CUX1: variants seen among roughly 807,000 people sequenced by gnomAD.
CUX1 encodes protein CASP.
In CUX1, 31 loss-of-function variants were observed where a neutral mutation model predicts 158.8. That is an observed-to-expected ratio of 0.20 (90% CI 0.15 to 0.26). CUX1 has a LOEUF of 0.26. Ranked by LOEUF, CUX1 falls within the 10% of genes least tolerant of loss-of-function variation. The pLI is 1.00. For missense variants in CUX1, 1,589 were observed against 2,014.6 expected (o/e 0.79, Z 4.04); for synonymous variants, 879 against 862.1 (o/e 1.02, Z -0.34).
intron 4 of CUX1, among the ~76,000 whole-genome samples, chr7:102,093,158 T>A (rs1213075256): frequency 4.1e-5 from 1 of 24,600 alleles, no homozygotes; most frequent in Non-Finnish European, 9.1e-5. Flanking sequence ...AAACAGAAGC[T>A]TTTTTTTTTT....
intron 1 of CUX1, among the ~76,000 whole-genome samples, chr7:101,911,063 G>T (rs932338173): frequency 6.6e-6 from 1 of 152,248 alleles, no homozygotes; most frequent in South Asian, 2.1e-4. Context: ...CAGCGTCACG[G>T]GATGAGGGAT....
rs552475431 is a variant in CUX1, at chr7:102,251,620, T to A, written c.*2578T>A. On this transcript the variant is annotated 3_prime_UTR_variant, in exon 24 of 24. Transcript: ENST00000292535. ...GAGCTTAAGGGGACACGGGTCAACA[T>A]CTAGCTCGATTCAGGTGCATTGAGA... is the stretch of plus-strand genomic sequence containing the variant. 1.0e-6 allele frequency: 1 copy of A among 985,386 alleles called. No individual in the cohort carries two copies. Among genetic ancestry groups the A allele is most frequent in the Non-Finnish European group, 1.2e-6 (1 of 829,904 alleles). The allele number at this position is 985,386 out of a possible 1,614,324, so 61.0% of individuals were successfully genotyped here.
intron 2 of CUX1, among the ~76,000 whole-genome samples, chr7:102,023,312 G>A (rs1016981136): frequency 2.6e-5 from 4 of 152,146 alleles, no homozygotes; most frequent in African/African-American, 9.7e-5. Context: ...TCCAGTTTAT[G>A]ACCACAAAGA....
At chr7:101,942,285 T>C (rs1045450377) in intron 2 of CUX1, among the ~76,000 whole-genome samples, 1 of 152,138 alleles carries the variant, frequency 6.6e-6, no homozygotes, top group African/African-American at 2.4e-5. Context: ...ACACATTGGG[T>C]CATAGGTTTG....
chr7:101,895,204 A>G (rs1385310437), intron 1 of CUX1, among the ~76,000 whole-genome samples: 1 of 152,104 alleles, frequency 6.6e-6, no homozygotes, highest in African/African-American at 2.4e-5. Flanking sequence ...TATTTTTAGT[A>G]GAGACGGGGT....
chr7:101,955,299 G>A (rs915290356), intron 2 of CUX1, among the ~76,000 whole-genome samples: 2 of 152,176 alleles, frequency 1.3e-5, no homozygotes, highest in Non-Finnish European at 2.9e-5. Flanking sequence ...CAAGAAAAAG[G>A]CATTTCTTGC....
intron 15 of CUX1, among the ~76,000 whole-genome samples, chr7:102,197,946 TCA>T (rs1291219936): frequency 6.6e-6 from 1 of 152,120 alleles, no homozygotes; most frequent in African/African-American, 2.4e-5. Context: ...AAAATGTCAG[TCA>T]CATTCATAAT....
chr7:102,143,996 G>A (rs1291634227), intron 8 of CUX1, among the ~76,000 whole-genome samples: 1 of 151,872 alleles, frequency 6.6e-6, no homozygotes, highest in Non-Finnish European at 1.5e-5. Flanking sequence ...TGGCCAGGCT[G>A]GTCTCGAACT....
At chr7:101,979,279 A>G (rs1191186731) in intron 2 of CUX1, among the ~76,000 whole-genome samples, 1 of 152,102 alleles carries the variant, frequency 6.6e-6, no homozygotes, top group African/African-American at 2.4e-5. Context: ...TGGGTGGAAG[A>G]GGGGCTCTGA....
intron 2 of CUX1, among the ~76,000 whole-genome samples, chr7:101,954,192 G>A (rs557879279): frequency 2.8e-4 from 42 of 152,238 alleles, no homozygotes; most frequent in Middle Eastern, 6.8e-3. Context: ...CCATCTCTAT[G>A]ACAAAATGTG....
At chr7:101,932,686 A>G (rs1273140688) in intron 2 of CUX1, 2 of 437,798 alleles carry the variant, frequency 4.6e-6, no homozygotes, top group East Asian at 1.4e-4. Flanking sequence ...TATTTTGTTT[A>G]TAAATCAACA....
intron 21 of CUX1, among the ~76,000 whole-genome samples, chr7:102,228,660 A>C (rs1254058490): frequency 6.6e-6 from 1 of 152,086 alleles, no homozygotes; most frequent in African/African-American, 2.4e-5. Flanking sequence ...TTAGCCGGGT[A>C]TGGTGGTGCA....
chr7:102,002,390 A>G (rs909925003), intron 2 of CUX1, among the ~76,000 whole-genome samples: 2 of 152,152 alleles, frequency 1.3e-5, no homozygotes, highest in Non-Finnish European at 2.9e-5. Context: ...AGGAACTGAG[A>G]TTGGTCACTC....
At chr7:101,974,725 A>T (rs1585142418) in intron 2 of CUX1, among the ~76,000 whole-genome samples, 1 of 152,130 alleles carries the variant, frequency 6.6e-6, no homozygotes, top group Non-Finnish European at 1.5e-5. Flanking sequence ...GCTTGGCGTG[A>T]GGGGCTTTCA....
rs546299905 is a variant in CUX1, at chr7:102,248,894, A to C, written c.4370A>C (p.Gln1457Pro). The change falls in exon 24 of 24, where the codon CAG (glutamine) becomes CCG (proline). Residue 1457 changes from glutamine to proline, a missense_variant. Gln to Pro is a moderately conservative substitution (Grantham distance 76). This residue lies in a region of CUX1 where 344 missense variants were observed against 323.7 expected (regional missense o/e 1.06). Transcript: ENST00000292535. This position sits in a 1 kb window ranked among gnomAD's most constrained non-coding sequence, Gnocchi z 5.8. ...GCCCCCCGCAGGCCCAGCTCGCTGC[A>C]GAGCCTTTTCGGCCTCCCCGAGGCC... ...SSAPRRPSSL[Q>P]SLFGLPEAAG... 1.4e-6 allele frequency: 2 copies of C among 1,419,980 alleles called. No homozygotes were observed. The highest frequency in any genetic ancestry group is 1.9e-6 in the Non-Finnish European group (2 of 1,080,598). The allele number at this position is 1,419,980 out of a possible 1,614,324, so 88.0% of individuals were successfully genotyped here. A position where few individuals can be genotyped will look rare whatever the true frequency, so the allele number is the denominator to read the frequency against.
chr7:102,279,757 C>T (rs2035356434), intron 18 of CUX1, among the ~76,000 whole-genome samples: 1 of 152,230 alleles, frequency 6.6e-6, no homozygotes, highest in African/African-American at 2.4e-5. Context: ...ACCCACCTTC[C>T]TGCAGCTGCG....
At chr7:102,222,064 G>A (rs1797862082) in intron 20 of CUX1, among the ~76,000 whole-genome samples, 1 of 152,052 alleles carries the variant, frequency 6.6e-6, no homozygotes, top group African/African-American at 2.4e-5. Context: ...TTCGAGACCA[G>A]TCTGGGCAAC....
intron 1 of CUX1, among the ~76,000 whole-genome samples, chr7:101,900,055 G>A (rs774062906): frequency 3.9e-5 from 6 of 152,318 alleles, no homozygotes; most frequent in South Asian, 4.1e-4. Flanking sequence ...TGTAGAAAGC[G>A]CCCTGGACAG....
chr7:102,026,604 A>G (rs1406548026), intron 2 of CUX1, among the ~76,000 whole-genome samples: 29 of 151,332 alleles, frequency 1.9e-4, no homozygotes, highest in African/African-American at 4.8e-4. Flanking sequence ...CGGATCACCT[A>G]CGGTCAGGAG....
Sources: gnomAD v4.1 joint callset for allele counts (sites outside exome capture counted in the v4.1 genomes callset) on GRCh38, gnomAD v4.1.1 for gene constraint, gnomAD v4.1.1 regional missense constraint, Gnocchi (gnomAD v3.1) non-coding constraint, MANE v1.5 for transcripts, NCBI Gene and HGNC (gene_info 2026-07-23, HGNC 2026-07-21) for gene names.